SESN3: variants seen among roughly 807,000 people sequenced by gnomAD.
SESN3 encodes sestrin-3.
A neutral mutation model predicts 55.3 loss-of-function variants in SESN3; 21 were observed. The observed-to-expected ratio is 0.38, with a 90% CI of 0.27 to 0.55. SESN3 has a LOEUF of 0.55. Among genes scored for constraint, SESN3 ranks in the 20% least tolerant of loss-of-function variants. The pLI is 0.76. For missense variants in SESN3, 408 were observed against 604.3 expected (o/e 0.68, Z 3.41); for synonymous variants, 181 against 203.1 (o/e 0.89, Z 0.93).
chr11:95,208,126 T>G lies in SESN3; in HGVS notation c.79-14604A>C, dbSNP rs527412371. 5.7e-4 allele frequency among the ~76,000 whole-genome samples: 86 copies of G among 151,774 alleles called. 3 individuals are homozygous for G. The highest frequency in any genetic ancestry group is 2.0e-3 in the African/African-American group (81 of 41,442). On this transcript the variant is annotated intron_variant, in intron 1 of 9. Coordinates refer to ENST00000536441, the MANE Select transcript of SESN3 (RefSeq NM_144665.4). ...AAAAAAATGAATCAAGGGATTATTT[T>G]AAGGTATTTTATGTAAATGGTGAGA...
chr11:95,188,681 T>C (rs1860211029), intron 4 of SESN3, among the ~76,000 whole-genome samples: 1 of 151,888 alleles, frequency 6.6e-6, no homozygotes, highest in Non-Finnish European at 1.5e-5. Flanking sequence ...CTAGCTCAAA[T>C]GTTACCTCTT....
intron 9 of SESN3, 99 bp from the exon 10 acceptor site, chr11:95,173,440 T>C (rs906643433): frequency 6.6e-5 from 38 of 579,546 alleles, no homozygotes; most frequent in African/African-American, 4.2e-4. Context: ...ATAAGCAATA[T>C]ACACACACAC....
intron 1 of SESN3, among the ~76,000 whole-genome samples, chr11:95,216,418 CAGT>C (rs1341609101): frequency 6.6e-6 from 1 of 152,152 alleles, no homozygotes; most frequent in Non-Finnish European, 1.5e-5. Context: ...AATGATAACA[CAGT>C]AGTTTATTAA....
At chr11:95,211,600 T>C (rs1860656565) in intron 1 of SESN3, among the ~76,000 whole-genome samples, 1 of 151,962 alleles carries the variant, frequency 6.6e-6, no homozygotes, top group Admixed American at 6.5e-5. Context: ...ACCCCATCTC[T>C]ACCAAAAAAA....
At position 95,191,574 on chromosome 11, in the gene SESN3, G is replaced by A; in HGVS notation, c.172C>T (p.Arg58Cys). Residue 58 changes from arginine (R) to cysteine (C), a missense_variant, in exon 3 of 10, where the codon CGT (arginine) becomes TGT (cysteine). By Grantham distance (180) the Arg-to-Cys change is radical. Coordinates refer to ENST00000536441, the MANE Select transcript of SESN3 (RefSeq NM_144665.4). ...EVVQANTVDERTNFLVEEYST... is the reference protein window; with the variant it reads ...EVVQANTVDECTNFLVEEYST... ...TATTCTTCCACAAGAAAGTTAGTAC[G>A]TTCATCCACTGTGTTTGCTTGGACA... 2 of 1,612,422 alleles carry A rather than the reference G, an allele frequency of 1.2e-6. No individual in the cohort carries two copies. The highest frequency in any genetic ancestry group is 1.1e-5 in the South Asian group (1 of 91,044).
intron 6 of SESN3, among the ~76,000 whole-genome samples, chr11:95,183,712 T>C: frequency 6.6e-6 from 1 of 150,698 alleles, no homozygotes. Flanking sequence ...GTTATGCACA[T>C]AGATTACTTT....
In SESN3 at chr11:95,173,455, A is replaced by C. The variant is rs927120723; in HGVS notation, c.1393-114T>G. On this transcript the variant is annotated intron_variant, in intron 9 of 9. Transcript: ENST00000536441. ...ATAAGCAATATACACACACACACAC[A>C]CCTAGGCATATTTATCCATGTTCAT... 1.2e-4 allele frequency: 61 copies of C among 496,080 alleles called. 1 individual carries two copies. Among genetic ancestry groups the C allele is most frequent in the Non-Finnish European group, 9.3e-5 (25 of 267,866 alleles). The allele number at this position is 496,080 out of a possible 1,614,324, so 30.7% of individuals were successfully genotyped here.
At chr11:95,184,125 A>T in intron 6 of SESN3, 1 of 395,426 alleles carries the variant, frequency 2.5e-6, no homozygotes, top group East Asian at 3.6e-5. Flanking sequence ...CAAAAGTAGG[A>T]TAAATTAAAT....
At chr11:95,174,552 C>T (rs552459858) in intron 9 of SESN3, among the ~76,000 whole-genome samples, 3 of 152,036 alleles carry the variant, frequency 2.0e-5, no homozygotes, top group Admixed American at 6.5e-5. Flanking sequence ...GGAGTGATCT[C>T]GGCTCACTGC....
chr11:95,204,814 A>G (rs963282224), intron 1 of SESN3: 1 of 152,200 alleles, frequency 6.6e-6, no homozygotes, highest in African/African-American at 2.4e-5. Context: ...AGCAGCCTGC[A>G]TGGACTAAGA....
chr11:95,197,566 TC>T (rs1168301965), intron 1 of SESN3, among the ~76,000 whole-genome samples: 2 of 151,714 alleles, frequency 1.3e-5, no homozygotes, highest in Admixed American at 1.3e-4. Context: ...TGCCTCAGCC[TC>T]CCGAGTTGCT....
intron 1 of SESN3, among the ~76,000 whole-genome samples, chr11:95,218,468 T>C (rs1860800215): frequency 6.6e-6 from 1 of 152,250 alleles, no homozygotes; most frequent in Non-Finnish European, 1.5e-5. Flanking sequence ...GATATTCATA[T>C]AGTATTCAGT....
In SESN3 at chr11:95,166,801, T is replaced by C. The variant is rs1859757446; in HGVS notation, c.*6454A>G. ...TGTGGTTTGCTTTCTATGTCTCTTA[T>C]TTTGGGTTGAAAAGAGTAAATGTGA... On this transcript the variant is annotated 3_prime_UTR_variant, in exon 10 of 10. Transcript: ENST00000536441. 1 of 152,176 alleles carries C rather than the reference T, an allele frequency of 6.6e-6. No homozygotes were observed. The highest frequency in any genetic ancestry group is 1.5e-5 in the Non-Finnish European group (1 of 68,042). The allele number at this position is 152,176 out of a possible 1,614,324, so 9.4% of individuals were successfully genotyped here. A position where few individuals can be genotyped will look rare whatever the true frequency, so the allele number is the denominator to read the frequency against.
In SESN3 at chr11:95,184,526, T is replaced by C. The variant is rs762593163; in HGVS notation, c.831A>G (p.Glu277=). Residue 277 remains glutamate (E), a synonymous_variant, in exon 6 of 10, where the codon GAA becomes GAG. Coordinates refer to ENST00000536441, the MANE Select transcript of SESN3 (RefSeq NM_144665.4). ...TTTCTTCTTGAGACGCCTCTTCATC[T>C]TCCCTTTCTTCTTGAAGTCTTTTCA... ...ERMKRLQEER[E]DEEASQEEMS... is the part of the protein sequence containing the mutation. 8.1e-6 allele frequency: 13 copies of C among 1,613,396 alleles called. No homozygotes were observed. In the South Asian group the frequency reaches 1.4e-4, roughly 18 times the overall value.
intron 4 of SESN3, among the ~76,000 whole-genome samples, chr11:95,186,057 A>C (rs2134229384): frequency 6.6e-6 from 1 of 152,160 alleles, no homozygotes; most frequent in East Asian, 1.9e-4. Flanking sequence ...CTCCAGCTGA[A>C]TGATGGATCA....
chr11:95,230,846 G>T lies in SESN3; in HGVS notation c.15C>A (p.Gly5=). 6.4e-7 allele frequency: 1 copy of T among 1,561,874 alleles called. No individual in the cohort carries two copies. Among genetic ancestry groups the T allele is most frequent in the South Asian group, 1.1e-5 (1 of 88,522 alleles). Residue 5 remains glycine (G), a synonymous_variant, in exon 1 of 10, where the codon GGC becomes GGA. Coordinates refer to ENST00000536441, the MANE Select transcript of SESN3 (RefSeq NM_144665.4). The surrounding 1 kb of genome is among the most constrained non-coding windows in gnomAD (Gnocchi z 4.6). ...AGTTGGCGGCGGCCGACGGGCTGCC[G>T]CCGCCCCGGTTCATCGTGGCTGCGG... MNRG[G]GSPSAAANYL...
chr11:95,189,749 T>A (rs1362211054), intron 4 of SESN3, 30 bp downstream of exon 4: 1 of 1,536,506 alleles, frequency 6.5e-7, no homozygotes, highest in African/African-American at 1.4e-5. Flanking sequence ...CTAAGCAAAT[T>A]CCTTTTTATT....
At chr11:95,178,996 A>G (rs1196530852) in intron 6 of SESN3, among the ~76,000 whole-genome samples, 168 bp from the exon 7 acceptor site, 1 of 152,202 alleles carries the variant, frequency 6.6e-6, no homozygotes, top group Non-Finnish European at 1.5e-5. Flanking sequence ...TTTAAATATA[A>G]TTTCATTACC....
chr11:95,185,828 C>T (rs1334760838), intron 4 of SESN3, among the ~76,000 whole-genome samples: 2 of 151,704 alleles, frequency 1.3e-5, no homozygotes, highest in African/African-American at 2.4e-5. Flanking sequence ...TAAAGATTAT[C>T]GAACAAAACC....
Sources: gnomAD v4.1 joint callset for allele counts (sites outside exome capture counted in the v4.1 genomes callset) on GRCh38, gnomAD v4.1.1 for gene constraint, Gnocchi (gnomAD v3.1) non-coding constraint, MANE v1.5 for transcripts, NCBI Gene and HGNC (gene_info 2026-07-23, HGNC 2026-07-21) for gene names.